TRPV1: variants seen among roughly 807,000 people sequenced by gnomAD.
The protein encoded by TRPV1 is transient receptor potential cation channel subfamily V member 1, also known as OTRPC1.
A neutral mutation model predicts 82.3 loss-of-function variants in TRPV1; 82 were observed. That is an observed-to-expected ratio of 1.00 (90% CI 0.83 to 1.20). The LOEUF is 1.20. Ranked by LOEUF, TRPV1 falls within the 50% of genes most tolerant of loss-of-function variation. The pLI, the probability that TRPV1 is intolerant of heterozygous loss-of-function variation, is 0.00. For missense variants in TRPV1, 1,067 were observed against 1,096.8 expected (o/e 0.97, Z 0.38); for synonymous variants, 515 against 467.7 (o/e 1.10, Z -1.30).
At position 3,593,204 on chromosome 17, in the gene TRPV1, A is replaced by G. The variant is rs1597547440; in HGVS notation, c.-33-821T>C. Among the ~76,000 whole-genome samples, 5 of 150,644 alleles carry G rather than the reference A, an allele frequency of 3.3e-5. No homozygotes were observed. The South Asian group carries it at 1.1e-3, about 32-fold the overall frequency. On this transcript the variant is annotated intron_variant, in intron 2 of 16. Coordinates refer to ENST00000572705, the MANE Select transcript of TRPV1 (RefSeq NM_080704.4). ...GCAATCTCTGCTCACTGCAACCTCC[A>G]CCTCCCAGGTTCAAGCGATTCTCCT...
chr17:3,581,741 C>T (rs1020439959), intron 10 of TRPV1, among the ~76,000 whole-genome samples: 6 of 145,556 alleles, frequency 4.1e-5, no homozygotes, highest in South Asian at 2.3e-4. Flanking sequence ...AAAAATTAGC[C>T]GGGCGCGGTG....
chr17:3,585,939 G>GA lies in TRPV1; in HGVS notation c.1225-14dup, dbSNP rs779616873. 2 of 1,613,374 alleles carry GA rather than the reference G, an allele frequency of 1.2e-6. No homozygotes were observed. Among genetic ancestry groups the GA allele is most frequent in the African/African-American group, 2.7e-5 (2 of 74,904 alleles). On this transcript the variant is annotated splice_polypyrimidine_tract_variant and intron_variant, in intron 8 of 16. Coordinates refer to ENST00000572705, the MANE Select transcript of TRPV1 (RefSeq NM_080704.4). ...TGTCGTGGCGATTCTAGGGGGTGGG[G>GA]AGAGAAGTGAGGTTCCCTCCTGCAG...
At chr17:3,586,268 T>C (rs992761168) in intron 8 of TRPV1, among the ~76,000 whole-genome samples, 1 of 151,898 alleles carries the variant, frequency 6.6e-6, no homozygotes, top group African/African-American at 2.4e-5. Context: ...GGGAAGTAGT[T>C]GGCTTAGGCA....
intron 2 of TRPV1, among the ~76,000 whole-genome samples, chr17:3,598,339 C>T (rs2075236667): frequency 6.6e-6 from 1 of 152,298 alleles, no homozygotes; most frequent in Middle Eastern, 3.4e-3. Flanking sequence ...TTCCGCACAG[C>T]AGTTGACAAA....
Position 3,566,832 on chromosome 17 carries a change from C to CGGCA in TRPV1, c.2499_2502dup (p.Ala835CysfsTer30), listed in dbSNP as rs2074769983. ...TGACGTCCTCACTTCTCCCCGGAAG[C>CGGCA]GGCAGGACTCTTGAAGACCTCAGCG... On this transcript the variant is annotated frameshift_variant, in exon 17 of 17. Transcript: ENST00000572705. LOFTEE classifies it high-confidence loss of function. The CGGCA allele has an allele frequency of 1.9e-6, 3 of 1,613,874 alleles. No homozygotes were observed. The highest frequency in any genetic ancestry group is 2.5e-6 in the Non-Finnish European group (3 of 1,179,848).
intron 2 of TRPV1, among the ~76,000 whole-genome samples, chr17:3,607,113 T>A (rs987349366): frequency 1.3e-5 from 2 of 152,094 alleles, no homozygotes; most frequent in Non-Finnish European, 2.9e-5. Flanking sequence ...TTTGGGAGGC[T>A]GAGGCAGGTG....
rs965607310 is a variant in TRPV1, at chr17:3,568,150, G to A, written c.2348-1163C>T. Reference sequence around the variant, plus strand: ...ATCCTGGCTAACATGGTGAAACCCCGTCTCTACTAAAAATACAAAAAATTA... The same window carrying A: ...ATCCTGGCTAACATGGTGAAACCCCATCTCTACTAAAAATACAAAAAATTA... On this transcript the variant is annotated intron_variant, in intron 16 of 16. Coordinates refer to ENST00000572705, the MANE Select transcript of TRPV1 (RefSeq NM_080704.4). Among the ~76,000 whole-genome samples, 95 of 151,996 alleles carry A rather than the reference G, an allele frequency of 6.3e-4. 3 individuals are homozygous for A. The highest frequency in any genetic ancestry group is 5.6e-3 in the Admixed American group (85 of 15,244).
chr17:3,590,389 T>G lies in TRPV1; in HGVS notation c.608A>C (p.Gln203Pro), dbSNP rs2075142169. 3 of 1,613,428 alleles carry G rather than the reference T, an allele frequency of 1.9e-6. No individual in the cohort carries two copies. In the African/African-American group the frequency reaches 4.0e-5, roughly 22 times the overall value. ...CTCGATGGCGATGTGCAGTGCTGTC[T>G]GGCCTACAGAGGACGCGCACGGTTG... The part of the protein sequence containing the change: ...ASYTDSYYKG[Q>P]TALHIAIERR... The change falls in exon 6 of 17, where the codon CAG becomes CCG. Residue 203 changes from glutamine (Q) to proline (P), a missense_variant. Transcript: ENST00000572705.
At position 3,591,334 on chromosome 17, in the gene TRPV1, C is replaced by T. The variant is rs751873592; in HGVS notation, c.304G>A (p.Val102Ile). The stretch of plus-strand genomic sequence containing the variant: ...AGGGTCTTCTCGGTGCTGGCGGCGA[C>T]AGAGTCCTGGGACAGCAGCCTGTGG... The part of the protein sequence containing the change: ...TGARLLSQDS[V>I]AASTEKTLRL... Residue 102 changes from valine to isoleucine, a missense_variant, in exon 4 of 17, where the codon GTC becomes ATC. Transcript: ENST00000572705. 1.9e-6 allele frequency: 3 copies of T among 1,592,344 alleles called. No homozygotes were observed. Among genetic ancestry groups the T allele is most frequent in the South Asian group, 2.2e-5 (2 of 89,066 alleles).
chr17:3,581,612 C>T (rs2075010728), intron 10 of TRPV1, among the ~76,000 whole-genome samples: 1 of 152,198 alleles, frequency 6.6e-6, no homozygotes, highest in South Asian at 2.1e-4. Flanking sequence ...GAAGGCTGGG[C>T]ACAGTGGCTC....
Position 3,587,347 on chromosome 17 carries a change from G to A in TRPV1, c.1224+841C>T, listed in dbSNP as rs142756497. Among the ~76,000 whole-genome samples, 597 of 152,242 alleles carry A rather than the reference G, an allele frequency of 3.9e-3. 5 individuals carry two copies. Among genetic ancestry groups the A allele is most frequent in the East Asian group, 0.033 (170 of 5,182 alleles). Reference sequence around the variant, plus strand: ...TCGTGGAAGCCCCTCACTGCTGATGGCACAGACTCTAGCCCCCAAGTCTGC... The same window carrying A: ...TCGTGGAAGCCCCTCACTGCTGATGACACAGACTCTAGCCCCCAAGTCTGC... On this transcript the variant is annotated intron_variant, in intron 8 of 16. Transcript: ENST00000572705.
At chr17:3,567,911 T>C (rs1038245754) in intron 16 of TRPV1, among the ~76,000 whole-genome samples, 6 of 152,186 alleles carry the variant, frequency 3.9e-5, no homozygotes, top group Non-Finnish European at 7.4e-5. Context: ...ACAGTGAATG[T>C]GCAGTGTTGT....
At position 3,591,166 on chromosome 17, in the gene TRPV1, C is replaced by T. The variant is rs201049172; in HGVS notation, c.451+21G>A. ...GGCAGGCCAGGGCTGGGGCCCTCCC[C>T]GAGCCCAGCGCTGGGGCCACCTTTG... On this transcript the variant is annotated intron_variant, in intron 4 of 16. Coordinates refer to ENST00000572705, the MANE Select transcript of TRPV1 (RefSeq NM_080704.4). 26 of 1,607,870 alleles carry T rather than the reference C, an allele frequency of 1.6e-5. No homozygotes were observed. The East Asian group carries it at 2.0e-4, about 12-fold the overall frequency.
At chr17:3,579,745 G>C (rs1170461515) in intron 11 of TRPV1, among the ~76,000 whole-genome samples, 2 of 152,140 alleles carry the variant, frequency 1.3e-5, no homozygotes, top group Non-Finnish European at 2.9e-5. Context: ...CAAAGTGCTG[G>C]GATTACAGGC....
chr17:3,587,958 C>T (rs931633010), intron 8 of TRPV1, among the ~76,000 whole-genome samples: 2 of 151,992 alleles, frequency 1.3e-5, no homozygotes, highest in African/African-American at 4.8e-5. Flanking sequence ...GTCCTTTTGT[C>T]CATGTCCCTC....
At chr17:3,583,213 T>C in intron 10 of TRPV1, 125 bp downstream of exon 10, 1 of 872,046 alleles carries the variant, frequency 1.1e-6, no homozygotes, top group Non-Finnish European at 1.8e-6. Flanking sequence ...CCTCTGCGTC[T>C]CTCAGCTCCC....
At position 3,573,882 on chromosome 17, in the gene TRPV1, CCCCCGCCA is replaced by C; in HGVS notation, c.1846_1853del (p.Trp616AlafsTer8). ...AGCTATCGGGGGGCCTGCAGGCAGGCCCCCGCCACCTGTGCGACGTGGACTCAGACGGC... is the reference window on the plus strand; with the variant it reads ...AGCTATCGGGGGGCCTGCAGGCAGGCCCTGTGCGACGTGGACTCAGACGGC... On this transcript the variant is annotated frameshift_variant, in exon 14 of 17. Transcript: ENST00000572705. LOFTEE classifies it high-confidence loss of function. 1 of 1,605,886 alleles carries C rather than the reference CCCCCGCCA, an allele frequency of 6.2e-7. No individual in the cohort carries two copies. The highest frequency in any genetic ancestry group is 2.2e-5 in the East Asian group (1 of 44,654).
intron 16 of TRPV1, among the ~76,000 whole-genome samples, chr17:3,568,254 G>A (rs868797828): frequency 7.9e-5 from 12 of 151,462 alleles, no homozygotes; most frequent in Middle Eastern, 3.4e-3. Flanking sequence ...CCCGGGAGGT[G>A]GAGCTTGCAG....
rs200555594 is a variant in TRPV1 at position 3,591,016 on chromosome 17, C to G, written c.552G>C (p.Thr184=). ...CGTTGACAAGCTCCTTCAGGCTGTC[C>G]GTTTGCCGCGCGATCTCCAGGAGCA... ...IPLLLEIARQ[T]DSLKELVNAS... is the part of the protein sequence containing the mutation. The change falls in exon 5 of 17, where the codon ACG becomes ACC. Residue 184 remains threonine (T), a synonymous_variant. Coordinates refer to ENST00000572705, the MANE Select transcript of TRPV1 (RefSeq NM_080704.4). The G allele has an allele frequency of 1.1e-5, 17 of 1,611,368 alleles. No homozygotes were observed. The highest frequency in any genetic ancestry group is 1.4e-5 in the Non-Finnish European group (16 of 1,179,010).
Sources: gnomAD v4.1 joint callset for allele counts (sites outside exome capture counted in the v4.1 genomes callset) on GRCh38, gnomAD v4.1.1 for gene constraint, MANE v1.5 for transcripts, NCBI Gene and HGNC (gene_info 2026-07-23, HGNC 2026-07-21) for gene names.